The following GPC5 variants were observed in gnomAD, a reference collection of about 807,000 sequenced individuals.
GPC5 encodes the protein glypican-5.
Under a neutral mutation model 53.9 loss-of-function variants are expected in GPC5, and 47 were observed. That is an observed-to-expected ratio of 0.87 (90% CI 0.69 to 1.11). The LOEUF (loss-of-function observed/expected upper bound fraction) is 1.11, where lower values mean the gene tolerates loss of function less well. Ranked by LOEUF, GPC5 falls within the 50% of genes most tolerant of loss-of-function variation. The pLI, the probability that GPC5 is intolerant of heterozygous loss-of-function variation, is 0.00. For missense variants in GPC5, 748 were observed against 713.1 expected, an observed-to-expected ratio of 1.05 and a Z score of -0.56; for synonymous variants, 286 against 263.3, an observed-to-expected ratio of 1.09 and a Z score of -0.84.
chr13:91,720,332 T>C (rs1481296893), intron 3 of GPC5, among the ~76,000 whole-genome samples: 1 of 152,250 alleles, frequency 6.6e-6, no homozygotes, highest in Non-Finnish European at 1.5e-5. Flanking sequence ...TTAGAGCCAA[T>C]GATGAATTTT....
chr13:92,642,576 G>A (rs551100824), intron 7 of GPC5, among the ~76,000 whole-genome samples: 19 of 152,280 alleles, frequency 1.2e-4, no homozygotes, highest in East Asian at 3.9e-4. Flanking sequence ...GTGTGAGGCC[G>A]TTACAAATGG....
chr13:92,549,477 A>G (rs1882234377), intron 7 of GPC5, among the ~76,000 whole-genome samples: 1 of 152,114 alleles, frequency 6.6e-6, no homozygotes, highest in South Asian at 2.1e-4. Context: ...TTGAAGGCAG[A>G]GTTAACCTTT....
In GPC5 at chr13:92,331,456, A is replaced by G. The variant is rs937294058; in HGVS notation, c.1561+186467A>G. 5.3e-5 allele frequency among the ~76,000 whole-genome samples: 8 copies of G among 152,228 alleles called. No homozygotes were observed. In the South Asian group the frequency reaches 8.3e-4, roughly 16 times the overall value. On this transcript the variant is annotated intron_variant, in intron 7 of 7. Coordinates refer to ENST00000377067, the MANE Select transcript of GPC5 (RefSeq NM_004466.6). ...ACAAAAGAGAAGACTAAATTGAAAA[A>G]TAAATAGTTTTCTCAGTTTTTGTAT...
At chr13:91,881,432 A>G (rs542416834) in intron 5 of GPC5, among the ~76,000 whole-genome samples, 8 of 152,240 alleles carry the variant, frequency 5.3e-5, no homozygotes, top group African/African-American at 1.4e-4. Flanking sequence ...GTCATCAGTC[A>G]ATGATAACAG....
chr13:92,053,038 C>A (rs1378028101), intron 6 of GPC5, among the ~76,000 whole-genome samples: 1 of 152,152 alleles, frequency 6.6e-6, no homozygotes, highest in African/African-American at 2.4e-5. Context: ...TGATCTTGGA[C>A]TGGACAACCG....
chr13:91,410,039 C>T (rs1269739160), intron 1 of GPC5, among the ~76,000 whole-genome samples: 2 of 152,168 alleles, frequency 1.3e-5, no homozygotes, highest in African/African-American at 2.4e-5. Flanking sequence ...ATGTGAATAA[C>T]GATGAATTTG....
intron 7 of GPC5, among the ~76,000 whole-genome samples, chr13:92,641,316 G>C (rs1566337201): frequency 6.6e-6 from 1 of 151,902 alleles, no homozygotes; most frequent in Non-Finnish European, 1.5e-5. Context: ...GTATAACCGA[G>C]TCTAATCATG....
chr13:91,657,784 C>T lies in GPC5; in HGVS notation c.326-35403C>T, dbSNP rs544617765. Among the ~76,000 whole-genome samples the T allele has an allele frequency of 2.9e-4, 44 of 152,164 alleles. No individual in the cohort carries two copies. In the South Asian group the frequency reaches 3.5e-3, roughly 12 times the overall value. ...ATCAACATGGAAATATTAGTGGCAG[C>T]CACACATCAAAGACCATGGATAGTA... On this transcript the variant is annotated intron_variant, in intron 2 of 7. Transcript: ENST00000377067.
intron 3 of GPC5, among the ~76,000 whole-genome samples, chr13:91,709,670 G>A (rs1384945117): frequency 6.6e-6 from 1 of 152,206 alleles, no homozygotes; most frequent in African/African-American, 2.4e-5. Flanking sequence ...CATTTTGCAT[G>A]AATGCAATTA....
At chr13:92,152,546 G>T (rs2041914509) in intron 7 of GPC5, among the ~76,000 whole-genome samples, 1 of 152,006 alleles carries the variant, frequency 6.6e-6, no homozygotes, top group African/African-American at 2.4e-5. Flanking sequence ...ATAAAATTGG[G>T]CTAACATGGT....
rs114654878 is a variant in GPC5 at position 91,471,365 on chromosome 13, T to C, written c.325+22443T>C. Among the ~76,000 whole-genome samples the C allele has an allele frequency of 7.2e-3, 1,094 of 152,288 alleles. 11 individuals are homozygous for C. Among genetic ancestry groups the C allele is most frequent in the African/African-American group, 0.024 (1,014 of 41,566 alleles). On this transcript the variant is annotated intron_variant, in intron 2 of 7. Transcript: ENST00000377067. The stretch of plus-strand genomic sequence containing the variant: ...AATTTCAGCTTTAAATATAGTCCTT[T>C]CATGCATTTAATACATTTAATCCTT...
chr13:92,073,067 A>G (rs140239712), intron 6 of GPC5, among the ~76,000 whole-genome samples: 245 of 152,152 alleles, frequency 1.6e-3, no homozygotes, highest in African/African-American at 5.6e-3. Flanking sequence ...TCTCACCATC[A>G]CTTTTCCCTC....
intron 7 of GPC5, among the ~76,000 whole-genome samples, chr13:92,753,130 G>C (rs1467973851): frequency 6.6e-6 from 1 of 152,204 alleles, no homozygotes; most frequent in Non-Finnish European, 1.5e-5. Flanking sequence ...CCAGCACTCA[G>C]CTGGAGATCT....
At chr13:91,516,763 C>G (rs904730663) in intron 2 of GPC5, among the ~76,000 whole-genome samples, 7 of 152,178 alleles carry the variant, frequency 4.6e-5, no homozygotes, top group Non-Finnish European at 8.8e-5. Context: ...CTGTAGCAAA[C>G]TTTTATCTAG....
chr13:92,547,039 AT>A (rs1324229257), intron 7 of GPC5, among the ~76,000 whole-genome samples: 1 of 152,196 alleles, frequency 6.6e-6, no homozygotes, highest in African/African-American at 2.4e-5. Flanking sequence ...AAAGACTTAA[AT>A]TTTAGACCTA....
At chr13:91,847,408 G>A (rs1003063495) in intron 5 of GPC5, among the ~76,000 whole-genome samples, 2 of 151,614 alleles carry the variant, frequency 1.3e-5, no homozygotes, top group Non-Finnish European at 1.5e-5. Flanking sequence ...AAAAATTATG[G>A]GCTTTACTGT....
chr13:92,207,337 AT>A (rs1314007788), intron 7 of GPC5, among the ~76,000 whole-genome samples: 1 of 152,256 alleles, frequency 6.6e-6, no homozygotes, highest in Non-Finnish European at 1.5e-5. Context: ...GAATTCTGAT[AT>A]AAAGTTTTAA....
chr13:92,702,493 G>C (rs1046075000), intron 7 of GPC5, among the ~76,000 whole-genome samples: 3 of 151,882 alleles, frequency 2.0e-5, no homozygotes, highest in African/African-American at 7.3e-5. Flanking sequence ...CAAAAATCTT[G>C]GATGAATCCT....
chr13:92,731,113 T>A (rs1019497518), intron 7 of GPC5, among the ~76,000 whole-genome samples: 2 of 151,148 alleles, frequency 1.3e-5, no homozygotes, highest in African/African-American at 4.9e-5. Flanking sequence ...CCACCACTAG[T>A]CCAAGGAAAA....
Sources: allele counts gnomAD v4.1 joint callset (sites outside exome capture counted in the v4.1 genomes callset), GRCh38; gene constraint gnomAD v4.1.1; transcripts MANE v1.5; gene names NCBI Gene and HGNC (gene_info 2026-07-23, HGNC 2026-07-21).